The following ZMYND8 variants were observed in gnomAD, a reference collection of about 807,000 sequenced individuals.
ZMYND8 encodes the protein MYND-type zinc finger-containing chromatin reader ZMYND8.
In ZMYND8, 37 loss-of-function variants were observed where a neutral mutation model predicts 140.8. That is an observed-to-expected ratio of 0.26 (90% CI 0.20 to 0.35). The LOEUF is 0.35. Among genes scored for constraint, ZMYND8 ranks in the 10% least tolerant of loss-of-function variants. ZMYND8 has a pLI of 1.00. For synonymous variants in ZMYND8, 592 were observed against 597.1 expected, an observed-to-expected ratio of 0.99 and a Z score of 0.12; for missense variants, 1,068 against 1,570.0, an observed-to-expected ratio of 0.68 and a Z score of 5.40.
chr20:47,322,779 AAGCAGATCGACAC>A (rs1457148186), intron 2 of ZMYND8, among the ~76,000 whole-genome samples: 2 of 152,166 alleles, frequency 1.3e-5, no homozygotes, highest in Non-Finnish European at 2.9e-5. Flanking sequence ...GCTTCAAGAC[AAGCAGATCGACAC>A]AGCACGCCCC....
chr20:47,350,703 C>A (rs1026715441), intron 1 of ZMYND8, among the ~76,000 whole-genome samples: 1 of 152,142 alleles, frequency 6.6e-6, no homozygotes, highest in African/African-American at 2.4e-5. Flanking sequence ...GTCATTAACA[C>A]ATTAAAGTCT....
intron 12 of ZMYND8, among the ~76,000 whole-genome samples, chr20:47,254,917 A>T (rs1483461478): frequency 2.6e-5 from 4 of 152,062 alleles, no homozygotes; most frequent in Admixed American, 2.6e-4. Flanking sequence ...ACTCGAGGTC[A>T]GGAGTTTGAG....
rs757602427 is a variant in ZMYND8, at chr20:47,210,821, G to C, written c.3645C>G (p.Thr1215=). The C allele has an allele frequency of 3.7e-6, 6 of 1,614,152 alleles. No individual in the cohort carries two copies. The Admixed American group carries it at 1.0e-4, about 27-fold the overall frequency. ...KRGSTRSDHN[T]STSTKSLLPK... ...GGAGGAGGCTCTTCGTGCTGGTACT[G>C]GTGTTGTGATCGGAACGTGTCGATC... The change falls in exon 23 of 23, where the codon ACC becomes ACG. Residue 1215 remains threonine (T), a synonymous_variant. Coordinates refer to ENST00000471951, the MANE Select transcript of ZMYND8 (RefSeq NM_001281775.3).
At chr20:47,333,316 C>A (rs1345527623) in intron 2 of ZMYND8, among the ~76,000 whole-genome samples, 2 of 150,804 alleles carry the variant, frequency 1.3e-5, no homozygotes, top group Admixed American at 1.3e-4. Flanking sequence ...CCAGCCTGGG[C>A]AACATCGTGA....
chr20:47,276,224 T>C lies in ZMYND8; in HGVS notation c.1480+90A>G, dbSNP rs962553275. The C allele has an allele frequency of 1.0e-5, 15 of 1,441,326 alleles. No homozygotes were observed. The African/African-American group carries it at 1.1e-4, about 11-fold the overall frequency. 89.3% of individuals were successfully genotyped at this position (1,441,326 alleles called of 1,614,324 possible). A position where few individuals can be genotyped will look rare whatever the true frequency, so the allele number is the denominator to read the frequency against. Reference sequence around the variant, plus strand: ...CCTACAGTTCCCCACGATTGCTTGATGCTCACCTGCTTGGGCCCACCAAGT... The same window carrying C: ...CCTACAGTTCCCCACGATTGCTTGACGCTCACCTGCTTGGGCCCACCAAGT... On this transcript the variant is annotated intron_variant, in intron 11 of 22. Coordinates refer to ENST00000471951, the MANE Select transcript of ZMYND8 (RefSeq NM_001281775.3).
intron 7 of ZMYND8, among the ~76,000 whole-genome samples, chr20:47,287,998 C>G (rs555173956): frequency 1.3e-5 from 2 of 152,344 alleles, no homozygotes; most frequent in South Asian, 4.1e-4. Flanking sequence ...AAGTAACCAT[C>G]TAGCCCCAGG....
At chr20:47,318,343 A>G (rs776909646) in intron 2 of ZMYND8, among the ~76,000 whole-genome samples, 14 of 152,174 alleles carry the variant, frequency 9.2e-5, no homozygotes, top group African/African-American at 1.9e-4. Flanking sequence ...GCTCCCCCAG[A>G]AGCAGCAAAG....
chr20:47,211,838 G>C (rs753214953), intron 22 of ZMYND8, among the ~76,000 whole-genome samples: 6 of 152,226 alleles, frequency 3.9e-5, no homozygotes, highest in Middle Eastern at 3.4e-3. Context: ...CTACCTAGGG[G>C]GGCTGCATTT....
At chr20:47,294,811 G>A in intron 4 of ZMYND8, 32 bp from the exon 5 acceptor site, 1 of 1,596,106 alleles carries the variant, frequency 6.3e-7, no homozygotes, top group Non-Finnish European at 8.6e-7. Flanking sequence ...TAAACGTCCG[G>A]TTAGAAAAAA....
chr20:47,317,933 G>T (rs1384859645), intron 2 of ZMYND8, among the ~76,000 whole-genome samples: 1 of 152,114 alleles, frequency 6.6e-6, no homozygotes, highest in African/African-American at 2.4e-5. Context: ...GTTAATTCAC[G>T]TAAAGCTCTT....
At chr20:47,239,429 C>G (rs1052406751) in intron 14 of ZMYND8, among the ~76,000 whole-genome samples, 3 of 152,198 alleles carry the variant, frequency 2.0e-5, no homozygotes, top group African/African-American at 7.2e-5. Flanking sequence ...AGACCCGGCT[C>G]CTGCGCTCAA....
Position 47,221,381 on chromosome 20 carries a change from G to T in ZMYND8, c.3350C>A (p.Pro1117His). The T allele has an allele frequency of 6.2e-7, 1 of 1,614,228 alleles. No homozygotes were observed. The highest frequency in any genetic ancestry group is 1.1e-5 in the South Asian group (1 of 91,084). ...QGSSSSTQSA[P>H]SETASASKEK... ...TTTGGAGGCGCTGGCCGTTTCTGAA[G>T]GTGCTGATTGTGTGCTCGAGGAGCT... is the stretch of plus-strand genomic sequence containing the variant. The change falls in exon 20 of 23, where the codon CCT becomes CAT. Residue 1117 changes from proline (P) to histidine (H), a missense_variant. Pro to His is a moderately conservative substitution (Grantham distance 77). This residue lies in a region of ZMYND8 where 180 missense variants were observed against 187.8 expected (regional missense o/e 0.96). Transcript: ENST00000471951.
intron 1 of ZMYND8, chr20:47,352,808 C>A: frequency 6.6e-6 from 1 of 152,524 alleles, no homozygotes; most frequent in Non-Finnish European, 1.5e-5. Context: ...GGCATGGCCA[C>A]TGCCTGTTTG....
At chr20:47,314,545 C>T (rs1437588511) in intron 2 of ZMYND8, among the ~76,000 whole-genome samples, 1 of 152,168 alleles carries the variant, frequency 6.6e-6, no homozygotes, top group Admixed American at 6.5e-5. Context: ...AGGCCCCACC[C>T]CAGATCTACA....
At chr20:47,319,371 A>C (rs1289489698) in intron 2 of ZMYND8, 1 of 253,792 alleles carries the variant, frequency 3.9e-6, no homozygotes, top group East Asian at 1.0e-4. Context: ...ACAATATCAG[A>C]AGGGAGCCTG....
intron 2 of ZMYND8, among the ~76,000 whole-genome samples, chr20:47,317,149 T>C (rs2079469168): frequency 6.6e-6 from 1 of 152,148 alleles, no homozygotes; most frequent in Non-Finnish European, 1.5e-5. Context: ...AAACTGCAGA[T>C]GGAAGTATAG....
intron 1 of ZMYND8, among the ~76,000 whole-genome samples, chr20:47,356,060 T>A (rs1411200895): frequency 6.6e-6 from 1 of 152,054 alleles, no homozygotes. Flanking sequence ...AGCTAGACTC[T>A]CCTTAGCACT....
chr20:47,211,325 TTCTTTTATCAATG>T (rs1156878676), intron 22 of ZMYND8, among the ~76,000 whole-genome samples: 1 of 152,160 alleles, frequency 6.6e-6, no homozygotes, highest in East Asian at 1.9e-4. Context: ...TTAGTGGGAT[TTCTTTTATCAATG>T]TATAGGCAAC....
At chr20:47,245,168 G>C (rs1006411658) in intron 14 of ZMYND8, among the ~76,000 whole-genome samples, 11 of 152,170 alleles carry the variant, frequency 7.2e-5, no homozygotes, top group African/African-American at 2.7e-4. Flanking sequence ...TCCTACTACT[G>C]TAAGAAAATA....
Sources: allele counts gnomAD v4.1 joint callset (sites outside exome capture counted in the v4.1 genomes callset), GRCh38; gene constraint gnomAD v4.1.1; regional missense constraint gnomAD v4.1.1; transcripts MANE v1.5; gene names NCBI Gene and HGNC (gene_info 2026-07-23, HGNC 2026-07-21).